Variants in RIC3 observed in about 807,000 individuals in gnomAD.
RIC3 encodes protein RIC-3.
In RIC3, 28 loss-of-function variants were observed where a neutral mutation model predicts 27.3. That is an observed-to-expected ratio of 1.02 (90% CI 0.76 to 1.41). The LOEUF (loss-of-function observed/expected upper bound fraction) is 1.41. Among genes scored for constraint, RIC3 ranks in the 40% most tolerant of loss-of-function variants. The pLI, the probability that RIC3 is intolerant of heterozygous loss-of-function variation, is 0.00. For missense variants in RIC3, 501 were observed against 444.7 expected (o/e 1.13, Z -1.14); for synonymous variants, 184 against 160.4 (o/e 1.15, Z -1.11).
chr11:8,137,391 G>A lies in RIC3; in HGVS notation c.508C>T (p.Pro170Ser). The A allele has an allele frequency of 6.2e-7, 1 of 1,613,568 alleles. No individual in the cohort carries two copies. The highest frequency in any genetic ancestry group is 8.5e-7 in the Non-Finnish European group (1 of 1,179,664). ...AMEKLINRVG[P>S]NGESRAQTVT... ...ATGAAAACCTACCTCTCACCATTAG[G>A]TCCCACTCTGTTGATTAATTTTTCC... The change falls in exon 4 of 6, where the codon CCT becomes TCT. Residue 170 changes from proline to serine, a missense_variant. Physicochemically the swap from Pro to Ser is moderately conservative, Grantham distance 74. Coordinates refer to ENST00000309737, the MANE Select transcript of RIC3 (RefSeq NM_001206671.4).
chr11:8,133,750 G>A (rs1948020927), intron 4 of RIC3, among the ~76,000 whole-genome samples: 1 of 152,280 alleles, frequency 6.6e-6, no homozygotes, highest in African/African-American at 2.4e-5. Flanking sequence ...CATAAATCTG[G>A]GATGAAGAGG....
At chr11:8,114,465 G>T (rs181632988) in intron 5 of RIC3, among the ~76,000 whole-genome samples, 13 of 152,170 alleles carry the variant, frequency 8.5e-5, no homozygotes, top group South Asian at 8.3e-4. Context: ...AATTAGCCGG[G>T]CGTGGTGGCA....
chr11:8,133,310 A>C (rs563007652), intron 4 of RIC3, among the ~76,000 whole-genome samples: 267 of 152,324 alleles, frequency 1.8e-3, no homozygotes, highest in Middle Eastern at 3.4e-3. Context: ...TAAATTACCC[A>C]GTCTGTGGTA....
At chr11:8,134,250 GT>G (rs1285811848) in intron 4 of RIC3, among the ~76,000 whole-genome samples, 1 of 152,038 alleles carries the variant, frequency 6.6e-6, no homozygotes, top group Non-Finnish European at 1.5e-5. Flanking sequence ...GCGGTGTTTG[GT>G]TTTTTATCCT....
chr11:8,130,178 C>G (rs1947516278), intron 4 of RIC3, among the ~76,000 whole-genome samples: 1 of 152,190 alleles, frequency 6.6e-6, no homozygotes, highest in African/African-American at 2.4e-5. Flanking sequence ...CATCCCCTAC[C>G]TCTCCTTCAA....
Position 8,109,735 on chromosome 11 carries a change from A to G in RIC3, c.*963T>C, listed in dbSNP as rs1371358684. On this transcript the variant is annotated 3_prime_UTR_variant, in exon 6 of 6. Transcript: ENST00000309737. Reference sequence around the variant, plus strand: ...TTAGGTAAGGACTGTCCATAAGCACACAGATTCTCTCCCCTATTGCTGGCT... The same window carrying G: ...TTAGGTAAGGACTGTCCATAAGCACGCAGATTCTCTCCCCTATTGCTGGCT... 1 of 152,210 alleles carries G rather than the reference A, an allele frequency of 6.6e-6. No homozygotes were observed. The highest frequency in any genetic ancestry group is 1.5e-5 in the Non-Finnish European group (1 of 68,054). 9.4% of individuals were successfully genotyped at this position (152,210 alleles called of 1,614,324 possible).
intron 1 of RIC3, among the ~76,000 whole-genome samples, chr11:8,152,989 A>C (rs995894150): frequency 6.6e-6 from 1 of 152,234 alleles, no homozygotes; most frequent in Non-Finnish European, 1.5e-5. Context: ...AGCAATGCTG[A>C]ATAAAACATG....
At chr11:8,138,435 G>A (rs1590225473) in intron 2 of RIC3, 88 bp from the exon 3 acceptor site, 1 of 769,170 alleles carries the variant, frequency 1.3e-6, no homozygotes. Context: ...AAAAAGGTTG[G>A]GAAACAAAAA....
At chr11:8,132,076 G>A (rs1186065071) in intron 4 of RIC3, among the ~76,000 whole-genome samples, 1 of 152,118 alleles carries the variant, frequency 6.6e-6, no homozygotes, top group Non-Finnish European at 1.5e-5. Flanking sequence ...TGACATGCCT[G>A]CCAGGGCCCT....
At chr11:8,124,722 C>A (rs1403436298) in intron 5 of RIC3, among the ~76,000 whole-genome samples, 1 of 152,172 alleles carries the variant, frequency 6.6e-6, no homozygotes, top group African/African-American at 2.4e-5. Context: ...GAGACAAGCA[C>A]ACGCATGGTC....
In RIC3 at chr11:8,111,045, C is replaced by T; in HGVS notation, c.763G>A (p.Glu255Lys). The T allele has an allele frequency of 2.5e-6, 4 of 1,614,126 alleles. No homozygotes were observed. The South Asian group carries it at 4.4e-5, about 18-fold the overall frequency. Residue 255 changes from glutamate to lysine, a missense_variant, in exon 6 of 6, where the codon GAA becomes AAA. Coordinates refer to ENST00000309737, the MANE Select transcript of RIC3 (RefSeq NM_001206671.4). Reference sequence around the variant, plus strand: ...TCAGCTATTTCTTCAGCAGAAAGTTCTTTTGGGTCAGGGTAATCCACCAAG... The same window carrying T: ...TCAGCTATTTCTTCAGCAGAAAGTTTTTTTGGGTCAGGGTAATCCACCAAG... ...TILVDYPDPK[E>K]LSAEEIAERM...
At chr11:8,094,011 TTC>T in the RIC3 span, 6 of 1,613,766 alleles carry the variant, frequency 3.7e-6, no homozygotes, top group Middle Eastern at 1.6e-4. Context: ...CACTGCCTGT[TTC>T]TCTCTCTCCA....
intron 1 of RIC3, chr11:8,153,531 C>A: frequency 2.8e-6 from 1 of 351,030 alleles, no homozygotes; most frequent in South Asian, 2.3e-5. Flanking sequence ...TGGCACATTA[C>A]TCTTCTCTTT....
At position 8,126,765 on chromosome 11, in the gene RIC3, T is replaced by A; in HGVS notation, c.564A>T (p.Leu188=). ...TVTSDQEKRL[L]HQLREITRVM... Reference sequence around the variant, plus strand: ...CCCTGGTGATTTCTCGGAGCTGATGTAGCAACCGTTTCTCTTGGTCAGAAG... The same window carrying A: ...CCCTGGTGATTTCTCGGAGCTGATGAAGCAACCGTTTCTCTTGGTCAGAAG... The change falls in exon 5 of 6, where the codon CTA becomes CTT. Residue 188 remains leucine (L), a synonymous_variant. Coordinates refer to ENST00000309737, the MANE Select transcript of RIC3 (RefSeq NM_001206671.4). 1 of 1,614,162 alleles carries A rather than the reference T, an allele frequency of 6.2e-7. No homozygotes were observed. The highest frequency in any genetic ancestry group is 1.7e-5 in the Admixed American group (1 of 60,030).
chr11:8,108,745 T>C lies in RIC3; in HGVS notation c.*1953A>G, dbSNP rs1385015628. On this transcript the variant is annotated 3_prime_UTR_variant, in exon 6 of 6. Coordinates refer to ENST00000309737, the MANE Select transcript of RIC3 (RefSeq NM_001206671.4). ...ACACTGAGTTTTCTGAGGGTAGAGA[T>C]TGAGCCTCTGTTCCTAGCACCTGGC... 6.6e-6 allele frequency: 1 copy of C among 152,204 alleles called. No individual in the cohort carries two copies. Among genetic ancestry groups the C allele is most frequent in the Non-Finnish European group, 1.5e-5 (1 of 68,046 alleles). 9.4% of individuals were successfully genotyped at this position (152,204 alleles called of 1,614,324 possible).
intron 1 of RIC3, among the ~76,000 whole-genome samples, chr11:8,145,189 A>T (rs10839978): frequency 8.1e-5 from 10 of 123,106 alleles, no homozygotes; most frequent in Admixed American, 4.2e-4. Context: ...ATAAAAAAAA[A>T]TTAAAAAAAA....
chr11:8,135,556 C>G (rs1268650852), intron 4 of RIC3: 1 of 152,128 alleles, frequency 6.6e-6, no homozygotes, highest in East Asian at 1.9e-4. Flanking sequence ...GGCGTTGAAT[C>G]TATAAATTAC....
At chr11:8,159,708 A>C (rs1951002416) in intron 1 of RIC3, among the ~76,000 whole-genome samples, 1 of 152,176 alleles carries the variant, frequency 6.6e-6, no homozygotes, top group Admixed American at 6.5e-5. Flanking sequence ...AAACATGCTG[A>C]GGCTGGGCAT....
the RIC3 span, chr11:8,101,023 A>G: frequency 6.2e-7 from 1 of 1,613,634 alleles, no homozygotes; most frequent in South Asian, 1.1e-5. Context: ...CCTACTCATT[A>G]TGGTCCGTAG....
Sources: allele counts gnomAD v4.1 joint callset (sites outside exome capture counted in the v4.1 genomes callset), GRCh38; gene constraint gnomAD v4.1.1; transcripts MANE v1.5; gene names NCBI Gene and HGNC (gene_info 2026-07-23, HGNC 2026-07-21).